CYTH3: variants seen among roughly 807,000 people sequenced by gnomAD.
CYTH3 encodes the protein cytohesin 3, also known as cytohesin-3.
In CYTH3, 23 loss-of-function variants were observed where a neutral mutation model predicts 55.1. That is an observed-to-expected ratio of 0.42 (90% confidence interval 0.30 to 0.59). The LOEUF (loss-of-function observed/expected upper bound fraction) is 0.59. Ranked by LOEUF, CYTH3 falls within the 20% of genes least tolerant of loss-of-function variation. CYTH3 has a pLI of 0.20. For synonymous variants in CYTH3, 249 were observed against 194.9 expected (o/e 1.28, Z -2.31); for missense variants, 413 against 524.8 (o/e 0.79, Z 2.08).
rs1285485138 is a variant in CYTH3 at position 6,259,760 on chromosome 7, T to TA, written c.34+12713dup. Among the ~76,000 whole-genome samples, 13 of 25,902 alleles carry TA rather than the reference T, an allele frequency of 5.0e-4. 1 individual carries two copies. Among genetic ancestry groups the TA allele is most frequent in the East Asian group, 4.6e-3 (3 of 648 alleles). 17.0% of individuals were successfully genotyped at this position (25,902 alleles called of 152,430 possible). On this transcript the variant is annotated intron_variant, in intron 1 of 12. Coordinates refer to ENST00000350796, the MANE Select transcript of CYTH3 (RefSeq NM_004227.4). ...ATATATATAATATATATATATATTA[T>TA]ATATATATATATTATATATATATAA... is the stretch of plus-strand genomic sequence containing the variant.
intron 1 of CYTH3, among the ~76,000 whole-genome samples, chr7:6,263,024 A>C (rs1367721231): frequency 6.6e-6 from 1 of 152,148 alleles, no homozygotes; most frequent in Non-Finnish European, 1.5e-5. Flanking sequence ...CACCACTACC[A>C]AGCCAGAAAC....
At chr7:6,168,319 G>A (rs183020628) in intron 9 of CYTH3, among the ~76,000 whole-genome samples, 53 of 149,728 alleles carry the variant, frequency 3.5e-4, no homozygotes, top group Admixed American at 1.1e-3. Context: ...GGGCTCCTAC[G>A]CTCTGGCAAA....
At chr7:6,203,825 TCTC>T (rs905329548) in intron 1 of CYTH3, among the ~76,000 whole-genome samples, 1 of 152,036 alleles carries the variant, frequency 6.6e-6, no homozygotes, top group African/African-American at 2.4e-5. Context: ...TTCACACCAT[TCTC>T]CTGTCTCAGC....
Position 6,185,645 on chromosome 7 carries a change from G to C in CYTH3, c.249+1405C>G, listed in dbSNP as rs573448910. 1.0e-3 allele frequency among the ~76,000 whole-genome samples: 153 copies of C among 151,096 alleles called. 1 individual carries two copies. Among genetic ancestry groups the C allele is most frequent in the Non-Finnish European group, 2.0e-3 (133 of 67,740 alleles). On this transcript the variant is annotated intron_variant, in intron 4 of 12. Coordinates refer to ENST00000350796, the MANE Select transcript of CYTH3 (RefSeq NM_004227.4). The stretch of plus-strand genomic sequence containing the variant: ...AACCCGGGAGGTGGAGCTTGCGGTG[G>C]GCCGAGATCGCACCACTGCACTCCA...
At chr7:6,201,855 T>C (rs904311282) in intron 1 of CYTH3, among the ~76,000 whole-genome samples, 10 of 151,412 alleles carry the variant, frequency 6.6e-5, no homozygotes, top group East Asian at 1.9e-4. Flanking sequence ...AATGCCCAAA[T>C]TGGGAAAGGG....
At chr7:6,262,502 C>T (rs1323454751) in intron 1 of CYTH3, among the ~76,000 whole-genome samples, 1 of 152,112 alleles carries the variant, frequency 6.6e-6, no homozygotes, top group East Asian at 1.9e-4. Context: ...AAAAGAGTGA[C>T]AATAAGACTG....
At position 6,170,803 on chromosome 7, in the gene CYTH3, G is replaced by T; in HGVS notation, c.711+27C>A. ...TCACAGCGAAGAGATCCTGCAGACG[G>T]CAGCGGCCGCGGGCCGGGGAGCTCA... On this transcript the variant is annotated intron_variant, in intron 8 of 12. Transcript: ENST00000350796. The surrounding 1 kb of genome is among the most constrained non-coding windows in gnomAD (Gnocchi z 7.8). 1.3e-6 allele frequency: 2 copies of T among 1,597,962 alleles called. No homozygotes were observed. Among genetic ancestry groups the T allele is most frequent in the Non-Finnish European group, 1.7e-6 (2 of 1,172,332 alleles).
At position 6,248,271 on chromosome 7, in the gene CYTH3, G is replaced by A. The variant is rs571204568; in HGVS notation, c.34+24203C>T. Among the ~76,000 whole-genome samples the A allele has an allele frequency of 4.7e-5, 7 of 148,476 alleles. No individual in the cohort carries two copies. The East Asian group carries it at 1.2e-3, about 25-fold the overall frequency. On this transcript the variant is annotated intron_variant, in intron 1 of 12. Transcript: ENST00000350796. ...CCAAAAAAAAAAAAAAGAATAGCTG[G>A]ACCTCCTCCTCAGAATGCTGCTAAA... is the stretch of plus-strand genomic sequence containing the variant.
At chr7:6,191,828 G>C (rs2128544461) in intron 1 of CYTH3, among the ~76,000 whole-genome samples, 1 of 152,180 alleles carries the variant, frequency 6.6e-6, no homozygotes, top group East Asian at 1.9e-4. Flanking sequence ...CTGTATCCAA[G>C]CACTTTGGGA....
At chr7:6,198,201 C>A (rs1783979721) in intron 1 of CYTH3, among the ~76,000 whole-genome samples, 1 of 151,040 alleles carries the variant, frequency 6.6e-6, no homozygotes, top group South Asian at 2.1e-4. Context: ...TAGGAAGTAA[C>A]AGAATTATCC....
chr7:6,189,374 T>C (rs1377414973), intron 2 of CYTH3, among the ~76,000 whole-genome samples: 1 of 152,042 alleles, frequency 6.6e-6, no homozygotes, highest in African/African-American at 2.4e-5. Context: ...ACTGGCACAA[T>C]CACAGTTCAC....
At chr7:6,181,567 C>A (rs916589464) in intron 4 of CYTH3, among the ~76,000 whole-genome samples, 1 of 152,192 alleles carries the variant, frequency 6.6e-6, no homozygotes, top group Non-Finnish European at 1.5e-5. Context: ...ATGAGTTTTA[C>A]AACATTTTAC....
At chr7:6,220,900 G>A (rs1784535695) in intron 1 of CYTH3, among the ~76,000 whole-genome samples, 1 of 152,056 alleles carries the variant, frequency 6.6e-6, no homozygotes, top group African/African-American at 2.4e-5. Flanking sequence ...GGAGGCAGTG[G>A]CAGGAGAATT....
At chr7:6,194,750 G>A (rs1783880790) in intron 1 of CYTH3, among the ~76,000 whole-genome samples, 1 of 152,208 alleles carries the variant, frequency 6.6e-6, no homozygotes. Flanking sequence ...GCCAAGGCAG[G>A]CGGATCATGA....
chr7:6,260,321 C>T (rs978057754), intron 1 of CYTH3, among the ~76,000 whole-genome samples: 17 of 152,128 alleles, frequency 1.1e-4, no homozygotes, highest in Admixed American at 5.9e-4. Flanking sequence ...TGTGAAAATG[C>T]AAACAGCATT....
At chr7:6,252,086 G>A (rs1779985967) in intron 1 of CYTH3, among the ~76,000 whole-genome samples, 1 of 152,278 alleles carries the variant, frequency 6.6e-6, no homozygotes, top group South Asian at 2.1e-4. Flanking sequence ...ATCTTTTATA[G>A]AAATTACACT....
At chr7:6,258,021 G>T (rs960616311) in intron 1 of CYTH3, among the ~76,000 whole-genome samples, 2 of 152,098 alleles carry the variant, frequency 1.3e-5, no homozygotes, top group African/African-American at 4.8e-5. Flanking sequence ...AATGCAACAG[G>T]GCTGGGCACG....
chr7:6,176,254 ATTTTT>A (rs776819156), intron 5 of CYTH3, among the ~76,000 whole-genome samples: 3 of 82,900 alleles, frequency 3.6e-5, no homozygotes, highest in East Asian at 4.5e-4. Context: ...AATACAATTG[ATTTTT>A]TTTTTTTTTT....
intron 6 of CYTH3, chr7:6,172,660 A>C: frequency 1.0e-6 from 1 of 998,976 alleles, no homozygotes. Context: ...GGCTCTCGCC[A>C]GAGACTGATG....
Sources: gnomAD v4.1 joint callset for allele counts (sites outside exome capture counted in the v4.1 genomes callset) on GRCh38, gnomAD v4.1.1 for gene constraint, Gnocchi (gnomAD v3.1) non-coding constraint, MANE v1.5 for transcripts, NCBI Gene and HGNC (gene_info 2026-07-23, HGNC 2026-07-21) for gene names.